PCDHGB2: variants seen among roughly 807,000 people sequenced by gnomAD.
PCDHGB2 encodes the protein protocadherin gamma-B2.
In PCDHGB2, 55 loss-of-function variants were observed where a neutral mutation model predicts 59.3. The ratio of observed to expected loss-of-function variants is 0.93; its 90% confidence interval spans 0.75 to 1.16. The LOEUF (loss-of-function observed/expected upper bound fraction) is 1.16. PCDHGB2 is among the 50% of genes most tolerant of loss of function. The pLI is 0.00. For synonymous variants in PCDHGB2, 516 were observed against 512.0 expected, an observed-to-expected ratio of 1.01 and a Z score of -0.11; for missense variants, 1,228 against 1,198.5, an observed-to-expected ratio of 1.02 and a Z score of -0.36.
intron 1 of PCDHGB2, among the ~76,000 whole-genome samples, chr5:141,402,262 TA>T (rs1248031439): frequency 6.6e-6 from 1 of 151,912 alleles, no homozygotes; most frequent in Non-Finnish European, 1.5e-5. Context: ...CCCCAGAAAA[TA>T]ATTTCAAAGT....
chr5:141,400,321 G>A lies in PCDHGB2; in HGVS notation c.2421+37765G>A, dbSNP rs190006023. On this transcript the variant is annotated intron_variant, in intron 1 of 3. Coordinates refer to ENST00000522605, the MANE Select transcript of PCDHGB2 (RefSeq NM_018923.3). ...CCAACCTGGTCTCTGTGTCAAGTCTGGACCTGTGGTTCCCCCCAACTACAG... is the reference window on the plus strand; with the variant it reads ...CCAACCTGGTCTCTGTGTCAAGTCTAGACCTGTGGTTCCCCCCAACTACAG... The A allele has an allele frequency of 9.3e-6, 15 of 1,614,064 alleles. No homozygotes were observed. In the Admixed American group the frequency reaches 2.5e-4, roughly 27 times the overall value.
intron 1 of PCDHGB2, chr5:141,399,271 T>C: frequency 1.2e-6 from 2 of 1,613,926 alleles, no homozygotes; most frequent in Non-Finnish European, 1.7e-6. Flanking sequence ...TAATTGTCAA[T>C]TACAAGGCGA....
At chr5:141,404,897 C>A in intron 1 of PCDHGB2, 1 of 1,613,920 alleles carries the variant, frequency 6.2e-7, no homozygotes, top group African/African-American at 1.3e-5. Context: ...TGTACAGGAC[C>A]ATGGCCAGCC....
chr5:141,425,943 C>A (rs2096904576), intron 1 of PCDHGB2, among the ~76,000 whole-genome samples: 1 of 152,220 alleles, frequency 6.6e-6, no homozygotes, highest in Non-Finnish European at 1.5e-5. Flanking sequence ...TGTCTAGTTT[C>A]CTATACATTA....
In PCDHGB2 at chr5:141,431,463, C is replaced by T. The variant is rs139195027; in HGVS notation, c.2422-63344C>T. Reference sequence around the variant, plus strand: ...CGCATCCGCGTGATGGTTCTGGATGCGAACGACAACGCACCAGCGTTTGCT... The same window carrying T: ...CGCATCCGCGTGATGGTTCTGGATGTGAACGACAACGCACCAGCGTTTGCT... On this transcript the variant is annotated intron_variant, in intron 1 of 3. Transcript: ENST00000522605. The surrounding 1 kb of genome is among the most constrained non-coding windows in gnomAD (Gnocchi z 4.8). The T allele has an allele frequency of 3.5e-3, 5,640 of 1,613,740 alleles. 51 individuals are homozygous for T. Among genetic ancestry groups the T allele is most frequent in the South Asian group, 0.02 (1,825 of 91,088 alleles).
At chr5:141,481,813 G>A (rs185558948) in intron 1 of PCDHGB2, among the ~76,000 whole-genome samples, 15 of 151,942 alleles carry the variant, frequency 9.9e-5, no homozygotes, top group East Asian at 7.8e-4. Context: ...TTCACCAGGC[G>A]TGGTGGCTGA....
intron 1 of PCDHGB2, chr5:141,397,927 G>C: frequency 1.3e-6 from 1 of 764,054 alleles, no homozygotes. Flanking sequence ...TCCTCGCGCA[G>C]CCGCAGCGCG....
chr5:141,403,663 T>C (rs2094439679), intron 1 of PCDHGB2: 3 of 1,613,900 alleles, frequency 1.9e-6, no homozygotes, highest in African/African-American at 1.3e-5. Flanking sequence ...ATACAAATGA[T>C]AATGCCCCGG....
At chr5:141,398,483 T>A (rs754131866) in intron 1 of PCDHGB2, 1 of 1,608,486 alleles carries the variant, frequency 6.2e-7, no homozygotes, top group Non-Finnish European at 8.5e-7. Flanking sequence ...TTTTATCACG[T>A]GAATGTGGAG....
intron 1 of PCDHGB2, chr5:141,374,135 A>C: frequency 6.2e-7 from 1 of 1,605,796 alleles, no homozygotes; most frequent in Non-Finnish European, 8.5e-7. Flanking sequence ...CCTGCTCCTC[A>C]CGCTCCTGGG....
rs760855582 is a variant in PCDHGB2, at chr5:141,362,235, A to AG, written c.2101dup (p.Val701GlyfsTer45). 73 of 1,613,734 alleles carry AG rather than the reference A, an allele frequency of 4.5e-5. 1 individual carries two copies. The Middle Eastern group carries it at 5.9e-3, about 131-fold the overall frequency. Reference sequence around the variant, plus strand: ...TGGTTGTGGCCTTGGCCTTGATCTCAGTGCTCTTCTTCCTCGCGGTGATTC... The same window carrying AG: ...TGGTTGTGGCCTTGGCCTTGATCTCAGGTGCTCTTCTTCCTCGCGGTGATTC... On this transcript the variant is annotated frameshift_variant, in exon 1 of 4. Coordinates refer to ENST00000522605, the MANE Select transcript of PCDHGB2 (RefSeq NM_018923.3). LOFTEE classifies it high-confidence loss of function.
intron 1 of PCDHGB2, among the ~76,000 whole-genome samples, chr5:141,475,732 C>T (rs2099367914): frequency 6.6e-6 from 1 of 152,248 alleles, no homozygotes; most frequent in Non-Finnish European, 1.5e-5. Context: ...GCTGGCTTTC[C>T]CTAAGGTAGG....
At position 141,477,379 on chromosome 5, in the gene PCDHGB2, A is replaced by T; in HGVS notation, c.2422-17428A>T. Reference sequence around the variant, plus strand: ...CAGACCTGGATCGGGAGACTGTGCCAGAATACAACCTCAGCATCACCGCCC... The same window carrying T: ...CAGACCTGGATCGGGAGACTGTGCCTGAATACAACCTCAGCATCACCGCCC... On this transcript the variant is annotated intron_variant, in intron 1 of 3. Transcript: ENST00000522605. The surrounding 1 kb of genome is among the most constrained non-coding windows in gnomAD (Gnocchi z 4.9). 1.2e-6 allele frequency: 2 copies of T among 1,614,184 alleles called. No individual in the cohort carries two copies. The highest frequency in any genetic ancestry group is 1.7e-6 in the Non-Finnish European group (2 of 1,180,034).
At chr5:141,365,131 G>A (rs751303366) in intron 1 of PCDHGB2, 2 of 1,613,854 alleles carry the variant, frequency 1.2e-6, no homozygotes, top group East Asian at 2.2e-5. Flanking sequence ...TAACCGCCAC[G>A]GATCCAGATG....
At chr5:141,365,587 T>A in intron 1 of PCDHGB2, 1 of 1,613,686 alleles carries the variant, frequency 6.2e-7, no homozygotes, top group Non-Finnish European at 8.5e-7. Context: ...CAGATTATAA[T>A]ATCACTTTAA....
intron 1 of PCDHGB2, among the ~76,000 whole-genome samples, chr5:141,402,640 T>G (rs1180615388): frequency 1.3e-5 from 2 of 152,232 alleles, no homozygotes; most frequent in East Asian, 3.8e-4. Flanking sequence ...TCTAAAATCA[T>G]AATTAGAAGA....
intron 1 of PCDHGB2, chr5:141,409,204 C>A: frequency 6.2e-7 from 1 of 1,613,942 alleles, no homozygotes; most frequent in South Asian, 1.1e-5. Flanking sequence ...GTAAAGTAAT[C>A]ATAGAAATCC....
chr5:141,428,197 G>A, intron 1 of PCDHGB2: 3 of 1,385,968 alleles, frequency 2.2e-6, no homozygotes, highest in Non-Finnish European at 3.0e-6. Context: ...CGCTCTCTGC[G>A]CCGCTACGCT....
chr5:141,373,139 A>G (rs886915700), intron 1 of PCDHGB2, among the ~76,000 whole-genome samples: 1 of 152,238 alleles, frequency 6.6e-6, no homozygotes, highest in Non-Finnish European at 1.5e-5. Flanking sequence ...CCTCACAATT[A>G]AGTGGTTTAC....
Sources: allele counts gnomAD v4.1 joint callset (sites outside exome capture counted in the v4.1 genomes callset), GRCh38; gene constraint gnomAD v4.1.1; non-coding constraint Gnocchi (gnomAD v3.1); transcripts MANE v1.5; gene names NCBI Gene and HGNC (gene_info 2026-07-23, HGNC 2026-07-21).